PDE4D: variants seen among roughly 807,000 people sequenced by gnomAD.
PDE4D encodes phosphodiesterase 4D.
In PDE4D, 24 loss-of-function variants were observed where a neutral mutation model predicts 87.4. The ratio of observed to expected loss-of-function variants is 0.27; its 90% confidence interval spans 0.20 to 0.39. The LOEUF (loss-of-function observed/expected upper bound fraction) is 0.39, where lower values mean the gene tolerates loss of function less well. Ranked by LOEUF, PDE4D falls within the 10% of genes least tolerant of loss-of-function variation. The pLI, the probability that PDE4D is intolerant of heterozygous loss-of-function variation, is 1.00. For synonymous variants in PDE4D, 384 were observed against 383.2 expected (o/e 1.00, Z -0.02); for missense variants, 714 against 1,041.0 (o/e 0.69, Z 4.32).
At chr5:59,992,912 T>G (rs191694020) in intron 2 of PDE4D, among the ~76,000 whole-genome samples, 1 of 152,272 alleles carries the variant, frequency 6.6e-6, no homozygotes, top group Admixed American at 6.5e-5. Flanking sequence ...TGTGTATCAG[T>G]TATGGTTCAG....
chr5:59,962,526 A>C (rs1759583820), intron 3 of PDE4D, among the ~76,000 whole-genome samples: 1 of 151,714 alleles, frequency 6.6e-6, no homozygotes, highest in Non-Finnish European at 1.5e-5. Flanking sequence ...ACATGAAAAA[A>C]AAATTTAAAT....
chr5:60,147,474 C>G (rs1425563239), intron 2 of PDE4D, among the ~76,000 whole-genome samples: 1 of 152,176 alleles, frequency 6.6e-6, no homozygotes, highest in East Asian at 1.9e-4. Context: ...CAGGGAAGGT[C>G]AGCATTAAAA....
chr5:60,194,734 C>T (rs1359003984), intron 1 of PDE4D, among the ~76,000 whole-genome samples: 1 of 151,630 alleles, frequency 6.6e-6, no homozygotes, highest in Non-Finnish European at 1.5e-5. Flanking sequence ...CCGCCACATA[C>T]ATATCTCATA....
At chr5:59,535,446 C>T (rs1815025915) in intron 1 of PDE4D, among the ~76,000 whole-genome samples, 1 of 152,058 alleles carries the variant, frequency 6.6e-6, no homozygotes, top group Non-Finnish European at 1.5e-5. Context: ...GTTGATTTGC[C>T]TAATAATCTG....
chr5:60,272,023 A>G (rs1750864447), intron 1 of PDE4D, among the ~76,000 whole-genome samples: 1 of 152,218 alleles, frequency 6.6e-6, no homozygotes, highest in Admixed American at 6.5e-5. Flanking sequence ...AACAAGAATA[A>G]GCATACTAGC....
At chr5:59,887,974 T>C (rs1271234350) in intron 1 of PDE4D, among the ~76,000 whole-genome samples, 1 of 152,172 alleles carries the variant, frequency 6.6e-6, no homozygotes, top group Non-Finnish European at 1.5e-5. Flanking sequence ...ATGGAGGATA[T>C]AGTTTGTAGT....
intron 5 of PDE4D, among the ~76,000 whole-genome samples, chr5:59,102,991 T>G (rs1771018412): frequency 1.3e-5 from 2 of 152,192 alleles, no homozygotes; most frequent in African/African-American, 4.8e-5. Context: ...GTTCCTAGTT[T>G]CTGACTCCAT....
intron 5 of PDE4D, among the ~76,000 whole-genome samples, chr5:59,146,687 G>C (rs1274118694): frequency 2.0e-5 from 3 of 151,284 alleles, no homozygotes; most frequent in Admixed American, 1.3e-4. Flanking sequence ...CAGTGCAATA[G>C]GATTACATTG....
intron 1 of PDE4D, among the ~76,000 whole-genome samples, chr5:59,627,012 C>T (rs1830976628): frequency 6.6e-6 from 1 of 152,184 alleles, no homozygotes; most frequent in East Asian, 1.9e-4. Context: ...AAAGACCTAT[C>T]AGGAAGCTTT....
chr5:58,989,755 C>A lies in PDE4D; in HGVS notation c.1452G>T (p.Glu484Asp). 1 of 1,583,162 alleles carries A rather than the reference C, an allele frequency of 6.3e-7. No individual in the cohort carries two copies. Among genetic ancestry groups the A allele is most frequent in the Non-Finnish European group, 8.6e-7 (1 of 1,167,864 alleles). The part of the protein sequence containing the change: ...THVLLSTPAL[E>D]AVFTDLEILA... ...CTTGAAATTTCAGAAACAGATTTAC[C>A]TCCAAAGCAGGTGTAGATAATAGCA... is the stretch of plus-strand genomic sequence containing the variant. The change falls in exon 10 of 15, where the codon GAG (glutamate) becomes GAT (aspartate). Residue 484 changes from glutamate (E) to aspartate (D), a missense_variant and splice_region_variant. Glu to Asp is a conservative substitution (Grantham distance 45). Coordinates refer to ENST00000340635, the MANE Select transcript of PDE4D (RefSeq NM_001104631.2).
intron 5 of PDE4D, chr5:59,039,187 G>C: frequency 7.5e-7 from 1 of 1,326,174 alleles, no homozygotes; most frequent in Admixed American, 3.9e-5. Flanking sequence ...GGTCTCTCCA[G>C]CTTGGCGTCT....
chr5:59,695,138 C>T (rs950508482), intron 1 of PDE4D, among the ~76,000 whole-genome samples: 2 of 151,882 alleles, frequency 1.3e-5, no homozygotes, highest in African/African-American at 2.4e-5. Flanking sequence ...AGCTCAAATC[C>T]ATATCTTTTA....
intron 1 of PDE4D, among the ~76,000 whole-genome samples, chr5:60,453,856 G>A (rs554833623): frequency 6.6e-6 from 1 of 152,230 alleles, no homozygotes; most frequent in African/African-American, 2.4e-5. Flanking sequence ...CAATGTATAA[G>A]TGCACCTGTG....
At chr5:59,418,851 C>T (rs752359744) in intron 1 of PDE4D, among the ~76,000 whole-genome samples, 16 of 152,034 alleles carry the variant, frequency 1.1e-4, no homozygotes, top group South Asian at 4.1e-4. Flanking sequence ...GGTTTTACCA[C>T]GTTGGCCAGG....
intron 2 of PDE4D, among the ~76,000 whole-genome samples, chr5:60,159,734 T>G (rs1782309363): frequency 6.6e-6 from 1 of 152,254 alleles, no homozygotes; most frequent in South Asian, 2.1e-4. Flanking sequence ...ATCATCACCA[T>G]ATAATATTCA....
chr5:59,584,890 C>A (rs564271545), intron 1 of PDE4D, among the ~76,000 whole-genome samples: 11 of 152,290 alleles, frequency 7.2e-5, no homozygotes, highest in Non-Finnish European at 1.3e-4. Flanking sequence ...ATGCCTACTA[C>A]GTGCCAGGAA....
At chr5:60,421,337 A>G (rs536511225) in intron 1 of PDE4D, among the ~76,000 whole-genome samples, 7 of 152,328 alleles carry the variant, frequency 4.6e-5, no homozygotes, top group African/African-American at 1.7e-4. Flanking sequence ...AAGCTTATGG[A>G]GGAAGGATCA....
chr5:60,421,541 A>G (rs1019614537), intron 1 of PDE4D, among the ~76,000 whole-genome samples: 2 of 152,254 alleles, frequency 1.3e-5, no homozygotes, highest in African/African-American at 2.4e-5. Flanking sequence ...TCTGTAGGTC[A>G]CCAACATGAA....
rs998133254 is a variant in PDE4D, at chr5:59,410,747, C to T, written c.456-194779G>A. Among the ~76,000 whole-genome samples the T allele has an allele frequency of 6.6e-5, 10 of 151,978 alleles. 1 individual carries two copies. The highest frequency in any genetic ancestry group is 4.2e-4 in the South Asian group (2 of 4,814). On this transcript the variant is annotated intron_variant, in intron 1 of 14. Coordinates refer to ENST00000340635, the MANE Select transcript of PDE4D (RefSeq NM_001104631.2). ...TGTTTTTTTGCATCCATTTGTCTGT[C>T]GATGGGACACTTAGGTTGCTTCCAA...
Sources: allele counts gnomAD v4.1 joint callset (sites outside exome capture counted in the v4.1 genomes callset), GRCh38; gene constraint gnomAD v4.1.1; transcripts MANE v1.5; gene names NCBI Gene and HGNC (gene_info 2026-07-23, HGNC 2026-07-21).